The following KCNQ3 variants were observed in gnomAD, a reference collection of about 807,000 sequenced individuals.
KCNQ3 encodes the protein potassium voltage-gated channel subfamily KQT member 3.
A neutral mutation model predicts 92.5 loss-of-function variants in KCNQ3; 30 were observed. The ratio of observed to expected loss-of-function variants is 0.32; its 90% CI spans 0.24 to 0.44. KCNQ3 has a LOEUF of 0.44. Among genes scored for constraint, KCNQ3 ranks in the 20% least tolerant of loss-of-function variants. KCNQ3 has a pLI of 1.00. For missense variants in KCNQ3, 913 were observed against 1,140.3 expected, an observed-to-expected ratio of 0.80 and a Z score of 2.87; for synonymous variants, 450 against 468.8, an observed-to-expected ratio of 0.96 and a Z score of 0.52.
intron 1 of KCNQ3, among the ~76,000 whole-genome samples, chr8:132,372,550 G>A (rs2130740091): frequency 6.6e-6 from 1 of 152,136 alleles, no homozygotes; most frequent in Middle Eastern, 3.4e-3. Flanking sequence ...GAGGTCAGGA[G>A]TTCAAGACCA....
intron 1 of KCNQ3, among the ~76,000 whole-genome samples, chr8:132,389,773 T>A (rs1480570005): frequency 2.0e-5 from 3 of 152,256 alleles, no homozygotes; most frequent in African/African-American, 7.2e-5. Context: ...ATTAACAACA[T>A]GAAAGATGGT....
chr8:132,343,880 C>G (rs75262300), intron 1 of KCNQ3, among the ~76,000 whole-genome samples: 101 of 152,246 alleles, frequency 6.6e-4, no homozygotes, highest in African/African-American at 2.4e-3. Context: ...ATCTGCTCAA[C>G]GAAGAAGACA....
At chr8:132,415,483 C>G (rs1178962737) in intron 1 of KCNQ3, among the ~76,000 whole-genome samples, 2 of 152,204 alleles carry the variant, frequency 1.3e-5, no homozygotes, top group Non-Finnish European at 2.9e-5. Context: ...TTCCAGGGCC[C>G]AGCCCCCGGC....
chr8:132,370,294 C>A (rs1455855562), intron 1 of KCNQ3, among the ~76,000 whole-genome samples: 1 of 151,884 alleles, frequency 6.6e-6, no homozygotes, highest in African/African-American at 2.4e-5. Flanking sequence ...GTGCTCAATG[C>A]GTGCCTGCTA....
chr8:132,206,580 T>G (rs1177629487), intron 1 of KCNQ3, among the ~76,000 whole-genome samples: 1 of 152,202 alleles, frequency 6.6e-6, no homozygotes, highest in Non-Finnish European at 1.5e-5. Flanking sequence ...TTTATATTAT[T>G]AAAGCATATC....
intron 1 of KCNQ3, among the ~76,000 whole-genome samples, chr8:132,344,973 C>T (rs1256180199): frequency 1.3e-5 from 2 of 152,136 alleles, no homozygotes; most frequent in African/African-American, 2.4e-5. Context: ...AGTGACCAGT[C>T]TCTCAAGGTC....
At chr8:132,149,458 G>A (rs1456503892) in intron 9 of KCNQ3, among the ~76,000 whole-genome samples, 1 of 152,134 alleles carries the variant, frequency 6.6e-6, no homozygotes, top group African/African-American at 2.4e-5. Flanking sequence ...ATCTTTCCTG[G>A]TCATGTGACA....
intron 1 of KCNQ3, among the ~76,000 whole-genome samples, chr8:132,442,222 T>C (rs1011572078): frequency 3.9e-5 from 6 of 152,074 alleles, no homozygotes; most frequent in African/African-American, 7.2e-5. Flanking sequence ...ACCCCTGAAC[T>C]TAAAATGAAA....
At chr8:132,135,359 T>G (rs1586757344) in intron 12 of KCNQ3, among the ~76,000 whole-genome samples, 1 of 151,296 alleles carries the variant, frequency 6.6e-6, no homozygotes. Context: ...TGGGACGGGG[T>G]GGGAGGGAAA....
chr8:132,184,479 G>T, intron 2 of KCNQ3, 112 bp from the exon 3 acceptor site: 5 of 1,160,378 alleles, frequency 4.3e-6, no homozygotes, highest in Non-Finnish European at 6.2e-6. Context: ...GTTGCTGGTT[G>T]TCTGGTTGGC....
At chr8:132,298,645 T>C (rs1047931985) in intron 1 of KCNQ3, among the ~76,000 whole-genome samples, 3 of 152,200 alleles carry the variant, frequency 2.0e-5, no homozygotes, top group Non-Finnish European at 4.4e-5. Context: ...CAGTGGCTCA[T>C]GCCTGCAATC....
At chr8:132,462,453 G>A (rs987137224) in intron 1 of KCNQ3, among the ~76,000 whole-genome samples, 1 of 152,196 alleles carries the variant, frequency 6.6e-6, no homozygotes, top group African/African-American at 2.4e-5. Flanking sequence ...CTCCAAAAGT[G>A]CTGAAATTAC....
At chr8:132,432,674 A>G (rs577120159) in intron 1 of KCNQ3, among the ~76,000 whole-genome samples, 1 of 152,214 alleles carries the variant, frequency 6.6e-6, no homozygotes, top group South Asian at 2.1e-4. Flanking sequence ...TTAGGACTCC[A>G]TTCATCATCT....
intron 1 of KCNQ3, among the ~76,000 whole-genome samples, chr8:132,301,097 G>A (rs1817201377): frequency 6.6e-6 from 1 of 152,040 alleles, no homozygotes; most frequent in African/African-American, 2.4e-5. Flanking sequence ...CCTACCCCAC[G>A]ATTCATCACT....
intron 1 of KCNQ3, among the ~76,000 whole-genome samples, chr8:132,472,079 A>G (rs1290835106): frequency 6.6e-6 from 1 of 152,222 alleles, no homozygotes; most frequent in Non-Finnish European, 1.5e-5. Context: ...TACCCTAGTT[A>G]GAATGGTCAT....
chr8:132,145,609 C>T (rs757447765), intron 9 of KCNQ3, among the ~76,000 whole-genome samples: 10 of 152,214 alleles, frequency 6.6e-5, no homozygotes, highest in Non-Finnish European at 1.5e-4. Flanking sequence ...TTTTCTGTCT[C>T]TAGTGAGCTT....
intron 1 of KCNQ3, among the ~76,000 whole-genome samples, chr8:132,339,715 C>T (rs1245864651): frequency 1.3e-5 from 2 of 152,120 alleles, no homozygotes; most frequent in African/African-American, 2.4e-5. Flanking sequence ...ATCCTGCCTG[C>T]ACTCTGTTTA....
chr8:132,228,424 G>A (rs1814503687), intron 1 of KCNQ3, among the ~76,000 whole-genome samples: 1 of 151,972 alleles, frequency 6.6e-6, no homozygotes, highest in Admixed American at 6.6e-5. Context: ...TTTAGAATTA[G>A]GCACTGGCAA....
chr8:132,133,504 C>T (rs986939340), intron 13 of KCNQ3, among the ~76,000 whole-genome samples: 6 of 151,924 alleles, frequency 3.9e-5, no homozygotes, highest in South Asian at 2.1e-4. Flanking sequence ...TACAGGCAGG[C>T]GCCACCACGC....
Sources: gnomAD v4.1 joint callset for allele counts (sites outside exome capture counted in the v4.1 genomes callset) on GRCh38, gnomAD v4.1.1 for gene constraint, MANE v1.5 for transcripts, NCBI Gene and HGNC (gene_info 2026-07-23, HGNC 2026-07-21) for gene names.